Variants in KDM5B observed in about 807,000 individuals in gnomAD.
KDM5B encodes the protein lysine-specific demethylase 5B.
KDM5B carries 144 observed loss-of-function variants against 193.4 expected under a neutral mutation model. That is an observed-to-expected ratio of 0.74 (90% CI 0.65 to 0.86). The LOEUF is 0.86. Ranked by LOEUF, KDM5B falls within the 40% of genes least tolerant of loss-of-function variation. KDM5B has a pLI of 0.00. For synonymous variants in KDM5B, 668 were observed against 682.6 expected, an observed-to-expected ratio of 0.98 and a Z score of 0.33; for missense variants, 1,833 against 1,886.9, an observed-to-expected ratio of 0.97 and a Z score of 0.53.
chr1:202,733,340 CGA>C (rs1654963110), intron 23 of KDM5B, 59 bp downstream of exon 23: 1 of 1,553,336 alleles, frequency 6.4e-7, no homozygotes, highest in South Asian at 1.2e-5. Flanking sequence ...GCTACAGGTT[CGA>C]GAGAAAGGTA....
At chr1:202,734,040 C>CA (rs1655000992) in intron 22 of KDM5B, among the ~76,000 whole-genome samples, 154 bp from the exon 23 acceptor site, 1 of 152,042 alleles carries the variant, frequency 6.6e-6, no homozygotes, top group Admixed American at 6.5e-5. Context: ...GACCTGGTGC[C>CA]ATGTATTCCA....
At chr1:202,783,615 C>T (rs760724982) in intron 1 of KDM5B, among the ~76,000 whole-genome samples, 14 of 152,194 alleles carry the variant, frequency 9.2e-5, no homozygotes, top group Non-Finnish European at 1.3e-4. Flanking sequence ...CAGTGGCTCA[C>T]GCCTGTAATC....
At position 202,762,705 on chromosome 1, in the gene KDM5B, G is replaced by T; in HGVS notation, c.912C>A (p.Thr304=). ...AAAGGGAGATGTCACTCACAGCATT[G>T]GTGGCTTTTTTAGATCGACTCTTGG... ...EKPKSRSKKA[T]NAVDLYVCLL... Residue 304 remains threonine (T), a synonymous_variant, in exon 7 of 27, where the codon ACC becomes ACA. Transcript: ENST00000367265. 6.4e-7 allele frequency: 1 copy of T among 1,558,966 alleles called. No individual in the cohort carries two copies. Among genetic ancestry groups the T allele is most frequent in the African/African-American group, 1.4e-5 (1 of 73,916 alleles).
At chr1:202,746,380 A>G (rs934035978) in intron 14 of KDM5B, 57 bp from the exon 15 acceptor site, 9 of 1,197,846 alleles carry the variant, frequency 7.5e-6, no homozygotes, top group Non-Finnish European at 1.0e-5. Flanking sequence ...CCACCAGCCC[A>G]AGACAAACAT....
chr1:202,739,343 T>A (rs768672465), intron 20 of KDM5B, among the ~76,000 whole-genome samples: 5 of 152,076 alleles, frequency 3.3e-5, no homozygotes, highest in Non-Finnish European at 5.9e-5. Context: ...TACATCCAAA[T>A]AAGTATGAAT....
At chr1:202,763,712 A>T (rs1470048865) in intron 6 of KDM5B, among the ~76,000 whole-genome samples, 2 of 152,238 alleles carry the variant, frequency 1.3e-5, no homozygotes, top group African/African-American at 2.4e-5. Context: ...ACATTCGGTC[A>T]AAGGCACCTA....
intron 1 of KDM5B, among the ~76,000 whole-genome samples, chr1:202,798,157 T>A (rs1348832667): frequency 6.6e-6 from 1 of 152,126 alleles, no homozygotes; most frequent in Non-Finnish European, 1.5e-5. Context: ...CAAGATCACA[T>A]CATGCTGCAC....
Position 202,742,386 on chromosome 1 carries a change from G to C in KDM5B, c.2589+5C>G, listed in dbSNP as rs376814478. On this transcript the variant is annotated splice_donor_5th_base_variant and intron_variant, in intron 18 of 26. Coordinates refer to ENST00000367265, the MANE Select transcript of KDM5B (RefSeq NM_006618.5). ...GTATTCTCCCACACATCCCTCTATG[G>C]TTACCTTTAGTAATGGTGTCTGACT... 1 of 1,598,458 alleles carries C rather than the reference G, an allele frequency of 6.3e-7. No homozygotes were observed. Among genetic ancestry groups the C allele is most frequent in the Non-Finnish European group, 8.6e-7 (1 of 1,165,972 alleles).
intron 1 of KDM5B, among the ~76,000 whole-genome samples, chr1:202,798,208 T>A (rs1027368103): frequency 6.6e-6 from 1 of 151,158 alleles, no homozygotes; most frequent in South Asian, 2.1e-4. Context: ...TCAAAAAAAA[T>A]AAAGATTCAG....
chr1:202,760,551 A>G lies in KDM5B; in HGVS notation c.941T>C (p.Leu314Ser), dbSNP rs776970773. 1 of 1,612,230 alleles carries G rather than the reference A, an allele frequency of 6.2e-7. No homozygotes were observed. The highest frequency in any genetic ancestry group is 2.2e-5 in the East Asian group (1 of 44,746). ...TNAVDLYVCL[L>S]CGSGNDEDRL... ...GTCTTCATCATTGCCACTGCCACATAAAAGACAGACATACAGGTCCACCTG... is the reference window on the plus strand; with the variant it reads ...GTCTTCATCATTGCCACTGCCACATGAAAGACAGACATACAGGTCCACCTG... Residue 314 changes from leucine (L) to serine (S), a missense_variant, in exon 8 of 27, where the codon TTA (leucine) becomes TCA (serine). Transcript: ENST00000367265.
chr1:202,807,919 C>T (rs1029064636), intron 1 of KDM5B, among the ~76,000 whole-genome samples, 183 bp downstream of exon 1: 1 of 152,000 alleles, frequency 6.6e-6, no homozygotes, highest in Non-Finnish European at 1.5e-5. Flanking sequence ...TCATCTCCCA[C>T]CCTGGAGAAG....
intron 15 of KDM5B, 44 bp from the exon 16 acceptor site, chr1:202,746,026 TG>T (rs1306446610): frequency 1.1e-5 from 17 of 1,611,320 alleles, no homozygotes; most frequent in Non-Finnish European, 1.4e-5. Context: ...CGTGTAGCTT[TG>T]GAGAAAACTA....
chr1:202,737,284 AAC>A (rs1655132183), intron 20 of KDM5B, among the ~76,000 whole-genome samples: 1 of 152,202 alleles, frequency 6.6e-6, no homozygotes, highest in Non-Finnish European at 1.5e-5. Context: ...GGCTTGTTTA[AAC>A]ACAGTTTCCT....
rs769555987 is a variant in KDM5B, at chr1:202,808,340, G to A, written c.-35C>T. On this transcript the variant is annotated 5_prime_UTR_variant, in exon 1 of 27. Coordinates refer to ENST00000367265, the MANE Select transcript of KDM5B (RefSeq NM_006618.5). ...CTGGGCAAGGGCGAGGCGAAGGTGGGCTCCGGGACCGAGGCTGCGAGCTCC... is the reference window on the plus strand; with the variant it reads ...CTGGGCAAGGGCGAGGCGAAGGTGGACTCCGGGACCGAGGCTGCGAGCTCC... 2.6e-5 allele frequency: 40 copies of A among 1,522,440 alleles called. No individual in the cohort carries two copies. In the African/African-American group the frequency reaches 4.7e-4, roughly 18 times the overall value. 94.3% of individuals were successfully genotyped at this position (1,522,440 alleles called of 1,614,324 possible).
At chr1:202,744,675 G>A (rs966093691) in intron 16 of KDM5B, among the ~76,000 whole-genome samples, 4 of 152,112 alleles carry the variant, frequency 2.6e-5, no homozygotes, top group African/African-American at 9.7e-5. Flanking sequence ...GTGGAGAAAA[G>A]GGAACGCATA....
chr1:202,804,223 C>T lies in KDM5B; in HGVS notation c.204+3879G>A, dbSNP rs538539075. On this transcript the variant is annotated intron_variant, in intron 1 of 26. Coordinates refer to ENST00000367265, the MANE Select transcript of KDM5B (RefSeq NM_006618.5). ...ACCACTGAATTACACATCATAAATT[C>T]GTGAATTGTATGGTATATTTCAATA... Among the ~76,000 whole-genome samples the T allele has an allele frequency of 2.6e-5, 4 of 151,072 alleles. No individual in the cohort carries two copies. In the East Asian group the frequency reaches 5.9e-4, roughly 22 times the overall value.
chr1:202,730,786 G>A (rs901095863), intron 25 of KDM5B, 123 bp downstream of exon 25: 1 of 854,568 alleles, frequency 1.2e-6, no homozygotes, highest in African/African-American at 1.7e-5. Flanking sequence ...CATTCAAAAT[G>A]GGTCATCCTC....
chr1:202,756,319 CAATA>C, intron 10 of KDM5B, 35 bp downstream of exon 10: 1 of 1,522,426 alleles, frequency 6.6e-7, no homozygotes, highest in African/African-American at 1.4e-5. Flanking sequence ...AACAGAATTT[CAATA>C]AATACCTCAA....
chr1:202,740,587 A>AC lies in KDM5B; in HGVS notation c.3084+86dup, dbSNP rs554185651. On this transcript the variant is annotated intron_variant, in intron 20 of 26. Coordinates refer to ENST00000367265, the MANE Select transcript of KDM5B (RefSeq NM_006618.5). The stretch of plus-strand genomic sequence containing the variant: ...GGGCGGCTGGCCGGGTCGGGGGCTG[A>AC]CCCCCCCACCTCCCTCCCGGACGGG... The AC allele has an allele frequency of 2.8e-3, 3,290 of 1,187,422 alleles. 61 individuals carry two copies. The African/African-American group carries it at 0.045, about 16-fold the overall frequency. 73.6% of individuals were successfully genotyped at this position (1,187,422 alleles called of 1,614,324 possible).
Sources: gnomAD v4.1 joint callset for allele counts (sites outside exome capture counted in the v4.1 genomes callset) on GRCh38, gnomAD v4.1.1 for gene constraint, MANE v1.5 for transcripts, NCBI Gene and HGNC (gene_info 2026-07-23, HGNC 2026-07-21) for gene names.